Variants in GRWD1 observed in about 807,000 individuals in gnomAD.
GRWD1 encodes the protein glutamate rich WD repeat containing 1, also known as glutamate-rich WD repeat-containing protein 1.
GRWD1 carries 29 observed loss-of-function variants against 45.3 expected under a neutral mutation model. The observed-to-expected ratio is 0.64, with a 90% CI of 0.48 to 0.87. The LOEUF (loss-of-function observed/expected upper bound fraction) is 0.87, where lower values mean the gene tolerates loss of function less well. Among genes scored for constraint, GRWD1 ranks in the 40% least tolerant of loss-of-function variants. The probability of loss-of-function intolerance (pLI) is 0.00; values close to 1 mark genes in which losing one functional copy is unlikely to be tolerated. For missense variants in GRWD1, 592 were observed against 618.8 expected, an observed-to-expected ratio of 0.96 and a Z score of 0.46; for synonymous variants, 262 against 257.6, an observed-to-expected ratio of 1.02 and a Z score of -0.16.
chr19:48,450,886 A>G lies in GRWD1; in HGVS notation c.825+78A>G. The G allele has an allele frequency of 6.5e-7, 1 of 1,530,984 alleles. No individual in the cohort carries two copies. The highest frequency in any genetic ancestry group is 8.9e-7 in the Non-Finnish European group (1 of 1,125,252). The allele number at this position is 1,530,984 out of a possible 1,614,324, so 94.8% of individuals were successfully genotyped here. A position where few individuals can be genotyped will look rare whatever the true frequency, so the allele number is the denominator to read the frequency against. ...GACCTAGAATCCTAGGTCTGAGGGA[A>G]AAGAGGGCTGGGAGCCTGACGGAGG... On this transcript the variant is annotated intron_variant, in intron 5 of 6. Coordinates refer to ENST00000253237, the MANE Select transcript of GRWD1 (RefSeq NM_031485.4). This position sits in a 1 kb window ranked among gnomAD's most constrained non-coding sequence, Gnocchi z 5.1.
chr19:48,447,768 T>G (rs1971427749), intron 3 of GRWD1, among the ~76,000 whole-genome samples: 1 of 152,256 alleles, frequency 6.6e-6, no homozygotes, highest in African/African-American at 2.4e-5. Flanking sequence ...GGTACTGTTT[T>G]AGATTATGAG....
chr19:48,452,801 G>A lies in GRWD1; in HGVS notation c.1117G>A (p.Gly373Ser). 1 of 1,612,792 alleles carries A rather than the reference G, an allele frequency of 6.2e-7. No homozygotes were observed. The highest frequency in any genetic ancestry group is 8.5e-7 in the Non-Finnish European group (1 of 1,178,988). ...PQDSGVFAAS[G>S]ADHQITQWDL... Reference sequence around the variant, plus strand: ...GGACAGCGGGGTCTTTGCAGCCTCGGGTGCAGACCACCAGATCACACAGTG... The same window carrying A: ...GGACAGCGGGGTCTTTGCAGCCTCGAGTGCAGACCACCAGATCACACAGTG... The change falls in exon 7 of 7, where the codon GGT becomes AGT. Residue 373 changes from glycine to serine, a missense_variant. By Grantham distance (56) the Gly-to-Ser change is moderately conservative. Coordinates refer to ENST00000253237, the MANE Select transcript of GRWD1 (RefSeq NM_031485.4). The surrounding 1 kb of genome is among the most constrained non-coding windows in gnomAD (Gnocchi z 5.1).
At position 48,450,378 on chromosome 19, in the gene GRWD1, T is replaced by G; in HGVS notation, c.534T>G (p.Phe178Leu). 6.2e-7 allele frequency: 1 copy of G among 1,613,674 alleles called. No homozygotes were observed. ...VWSEKGQVEV[F>L]ALRRLLQVVE... ...CAGAGAAGGGCCAGGTGGAGGTGTTTGCGCTGCGGCGGCTTCTGCAGGTGG... is the reference window on the plus strand; with the variant it reads ...CAGAGAAGGGCCAGGTGGAGGTGTTGGCGCTGCGGCGGCTTCTGCAGGTGG... The change falls in exon 4 of 7, where the codon TTT becomes TTG. Residue 178 changes from phenylalanine to leucine, a missense_variant. By Grantham distance (22) the Phe-to-Leu change is conservative. Coordinates refer to ENST00000253237, the MANE Select transcript of GRWD1 (RefSeq NM_031485.4). This position sits in a 1 kb window ranked among gnomAD's most constrained non-coding sequence, Gnocchi z 5.1.
Position 48,452,802 on chromosome 19 carries a change from GT to G in GRWD1, c.1119del (p.Ala374GlnfsTer44). ...GACAGCGGGGTCTTTGCAGCCTCGG[GT>G]GCAGACCACCAGATCACACAGTGGG... is the stretch of plus-strand genomic sequence containing the variant. ...PQDSGVFAAS[G>X]ADHQITQWDL... On this transcript the variant is annotated frameshift_variant, in exon 7 of 7. Coordinates refer to ENST00000253237, the MANE Select transcript of GRWD1 (RefSeq NM_031485.4). LOFTEE classifies it high-confidence loss of function. This position sits in a 1 kb window ranked among gnomAD's most constrained non-coding sequence, Gnocchi z 5.1. 1.2e-6 allele frequency: 2 copies of G among 1,613,028 alleles called. No homozygotes were observed. Among genetic ancestry groups the G allele is most frequent in the Non-Finnish European group, 1.7e-6 (2 of 1,179,154 alleles).
chr19:48,446,741 TGATGAAGAAGAAGAG>T lies in GRWD1; in HGVS notation c.369_383del (p.Asp123_Glu127del). On this transcript the variant is annotated inframe_deletion, in exon 3 of 7. Transcript: ENST00000253237. ...CAAAGCCCCCACCCTCAGAGGGCAG[TGATGAAGAAGAAGAG>T]GAGGAAGATGAAGAGGATGAAGAAG... The T allele has an allele frequency of 6.2e-7, 1 of 1,612,646 alleles. No individual in the cohort carries two copies. The highest frequency in any genetic ancestry group is 8.5e-7 in the Non-Finnish European group (1 of 1,179,518).
chr19:48,450,394 C>T lies in GRWD1; in HGVS notation c.550C>T (p.Leu184=). Residue 184 remains leucine (L), a synonymous_variant, in exon 4 of 7, where the codon CTG becomes TTG. Transcript: ENST00000253237. The surrounding 1 kb of genome is among the most constrained non-coding windows in gnomAD (Gnocchi z 5.1). ...QVEVFALRRL[L]QVVEEPQALA... ...GGAGGTGTTTGCGCTGCGGCGGCTTCTGCAGGTGGTGGAGGAGCCCCAGGC... is the reference window on the plus strand; with the variant it reads ...GGAGGTGTTTGCGCTGCGGCGGCTTTTGCAGGTGGTGGAGGAGCCCCAGGC... 6.2e-7 allele frequency: 1 copy of T among 1,613,832 alleles called. No individual in the cohort carries two copies. The highest frequency in any genetic ancestry group is 8.5e-7 in the Non-Finnish European group (1 of 1,179,968).
At chr19:48,448,510 A>C (rs1360696762) in intron 3 of GRWD1, among the ~76,000 whole-genome samples, 1 of 152,228 alleles carries the variant, frequency 6.6e-6, no homozygotes, top group Non-Finnish European at 1.5e-5. Context: ...AATGTGTACC[A>C]TGTCCAAAGG....
chr19:48,448,723 G>A (rs1319161413), intron 3 of GRWD1, among the ~76,000 whole-genome samples: 1 of 152,224 alleles, frequency 6.6e-6, no homozygotes, highest in Non-Finnish European at 1.5e-5. Context: ...AAGGCCCTGG[G>A]GTGAGCTTGG....
chr19:48,450,349 T>C lies in GRWD1; in HGVS notation c.505T>C (p.Trp169Arg), dbSNP rs777326596. The C allele has an allele frequency of 1.9e-6, 3 of 1,612,564 alleles. No homozygotes were observed. The highest frequency in any genetic ancestry group is 1.7e-5 in the Admixed American group (1 of 59,964). ...GGGTGAAGAGCCTGTGGCTGGGGTG[T>C]GGTCAGAGAAGGGCCAGGTGGAGGT... is the stretch of plus-strand genomic sequence containing the variant. The part of the protein sequence containing the change: ...WLGEEPVAGV[W>R]SEKGQVEVFA... Residue 169 changes from tryptophan to arginine, a missense_variant, in exon 4 of 7, where the codon TGG becomes CGG. Physicochemically the swap from Trp to Arg is moderately radical, Grantham distance 101. Coordinates refer to ENST00000253237, the MANE Select transcript of GRWD1 (RefSeq NM_031485.4). The surrounding 1 kb of genome is among the most constrained non-coding windows in gnomAD (Gnocchi z 5.1).
intron 2 of GRWD1, 65 bp from the exon 3 acceptor site, chr19:48,446,616 C>G: frequency 1.3e-6 from 2 of 1,552,254 alleles, no homozygotes; most frequent in Non-Finnish European, 1.7e-6. Flanking sequence ...GTCTGGGTTT[C>G]CAGCCTCTCT....
At chr19:48,448,765 T>C (rs879352916) in intron 3 of GRWD1, among the ~76,000 whole-genome samples, 3 of 151,904 alleles carry the variant, frequency 2.0e-5, no homozygotes, top group Admixed American at 1.3e-4. Flanking sequence ...GAAGCGGGAG[T>C]GTCCAGTCTG....
rs558030913 is a variant in GRWD1, at chr19:48,450,833, G to A, written c.825+25G>A. ...GGTGAGGGAGGGTGGGGTTCTGGTCGTTTAGTTCTGATGGATTCTAGGCCA... is the reference window on the plus strand; with the variant it reads ...GGTGAGGGAGGGTGGGGTTCTGGTCATTTAGTTCTGATGGATTCTAGGCCA... On this transcript the variant is annotated intron_variant, in intron 5 of 6. Transcript: ENST00000253237. This position sits in a 1 kb window ranked among gnomAD's most constrained non-coding sequence, Gnocchi z 5.1. 27 of 1,602,604 alleles carry A rather than the reference G, an allele frequency of 1.7e-5. No individual in the cohort carries two copies. The highest frequency in any genetic ancestry group is 1.0e-4 in the Admixed American group (6 of 58,510).
In GRWD1 at chr19:48,450,786, A is replaced by G; in HGVS notation, c.803A>G (p.Gln268Arg). The change falls in exon 5 of 7, where the codon CAG (glutamine) becomes CGG (arginine). Residue 268 changes from glutamine (Q) to arginine (R), a missense_variant. Coordinates refer to ENST00000253237, the MANE Select transcript of GRWD1 (RefSeq NM_031485.4). This position sits in a 1 kb window ranked among gnomAD's most constrained non-coding sequence, Gnocchi z 5.1. ...CACACACGCTCTGTGGAGGACCTGC[A>G]GTGGTCACCGACTGAGAACACGGTG... Reference protein sequence around the residue: ...VGHTRSVEDLQWSPTENTVFA... With the variant: ...VGHTRSVEDLRWSPTENTVFA... 2.5e-6 allele frequency: 4 copies of G among 1,613,942 alleles called. No homozygotes were observed. The highest frequency in any genetic ancestry group is 1.1e-5 in the South Asian group (1 of 91,060).
chr19:48,451,157 A>T lies in GRWD1; in HGVS notation c.949A>T (p.Ser317Cys), dbSNP rs774599231. The change falls in exon 6 of 7, where the codon AGC (serine) becomes TGC (cysteine). Residue 317 changes from serine to cysteine, a missense_variant. Physicochemically the swap from Ser to Cys is moderately radical, Grantham distance 112. Coordinates refer to ENST00000253237, the MANE Select transcript of GRWD1 (RefSeq NM_031485.4). ...HDGDVNVISW[S>C]RREPFLLSGG... ...TGGGGACGTCAATGTCATCAGCTGG[A>T]GCCGCCGGGAGCCCTTCCTGCTCAG... 6.2e-7 allele frequency: 1 copy of T among 1,613,682 alleles called. No individual in the cohort carries two copies. The highest frequency in any genetic ancestry group is 1.3e-5 in the African/African-American group (1 of 74,918).
rs1360457472 is a variant in GRWD1 at position 48,452,340 on chromosome 19, C to G, written c.1024-368C>G. On this transcript the variant is annotated intron_variant, in intron 6 of 6. Transcript: ENST00000253237. The surrounding 1 kb of genome is among the most constrained non-coding windows in gnomAD (Gnocchi z 5.1). Reference sequence around the variant, plus strand: ...CTCCAACTCCTGACCTCGGGTGATCCACCCGCCTTGGCCTCCCAAGGTGCT... The same window carrying G: ...CTCCAACTCCTGACCTCGGGTGATCGACCCGCCTTGGCCTCCCAAGGTGCT... Among the ~76,000 whole-genome samples the G allele has an allele frequency of 1.3e-5, 2 of 151,904 alleles. No homozygotes were observed. Among genetic ancestry groups the G allele is most frequent in the Non-Finnish European group, 2.9e-5 (2 of 67,974 alleles).
chr19:48,450,330 A>G lies in GRWD1; in HGVS notation c.486A>G (p.Glu162=). The change falls in exon 4 of 7, where the codon GAA becomes GAG. Residue 162 remains glutamate (E), a synonymous_variant. Transcript: ENST00000253237. This position sits in a 1 kb window ranked among gnomAD's most constrained non-coding sequence, Gnocchi z 5.1. The part of the protein sequence containing the change: ...INRVRVSWLG[E]EPVAGVWSEK... ...TTCTGCAGGTGTCATGGCTGGGTGA[A>G]GAGCCTGTGGCTGGGGTGTGGTCAG... The G allele has an allele frequency of 6.2e-7, 1 of 1,612,182 alleles. No homozygotes were observed. Among genetic ancestry groups the G allele is most frequent in the Non-Finnish European group, 8.5e-7 (1 of 1,179,620 alleles).
In GRWD1 at chr19:48,452,286, T is replaced by C. The variant is rs1372984237; in HGVS notation, c.1024-422T>C. Among the ~76,000 whole-genome samples, 1 of 151,894 alleles carries C rather than the reference T, an allele frequency of 6.6e-6. No homozygotes were observed. Among genetic ancestry groups the C allele is most frequent in the African/African-American group, 2.4e-5 (1 of 41,364 alleles). On this transcript the variant is annotated intron_variant, in intron 6 of 6. Transcript: ENST00000253237. This position sits in a 1 kb window ranked among gnomAD's most constrained non-coding sequence, Gnocchi z 5.1. ...GCTAATTTTGTATTTTTAGTAGAGA[T>C]GGGGTTTCACCATGTTGTTCAGGCT...
Position 48,451,163 on chromosome 19 carries a change from C to T in GRWD1, c.955C>T (p.Arg319Trp), listed in dbSNP as rs145223989. The T allele has an allele frequency of 1.5e-4, 242 of 1,613,748 alleles. No homozygotes were observed. Among genetic ancestry groups the T allele is most frequent in the Middle Eastern group, 9.9e-4 (6 of 6,058 alleles). Residue 319 changes from arginine to tryptophan, a missense_variant, in exon 6 of 7, where the codon CGG becomes TGG. Physicochemically the swap from Arg to Trp is moderately radical, Grantham distance 101 (BLOSUM62 -3). Coordinates refer to ENST00000253237, the MANE Select transcript of GRWD1 (RefSeq NM_031485.4). ...GDVNVISWSR[R>W]EPFLLSGGDD... ...CGTCAATGTCATCAGCTGGAGCCGC[C>T]GGGAGCCCTTCCTGCTCAGTGGCGG... is the stretch of plus-strand genomic sequence containing the variant.
chr19:48,447,507 C>T (rs1487715422), intron 3 of GRWD1, among the ~76,000 whole-genome samples: 1 of 152,100 alleles, frequency 6.6e-6, no homozygotes, highest in East Asian at 1.9e-4. Context: ...TCCCAAAGTG[C>T]TGAGATTACA....
Sources: gnomAD v4.1 joint callset for allele counts (sites outside exome capture counted in the v4.1 genomes callset) on GRCh38, gnomAD v4.1.1 for gene constraint, Gnocchi (gnomAD v3.1) non-coding constraint, MANE v1.5 for transcripts, NCBI Gene and HGNC (gene_info 2026-07-23, HGNC 2026-07-21) for gene names.